Variants in SH3RF3 observed in about 807,000 individuals in gnomAD.
SH3RF3 encodes E3 ubiquitin-protein ligase SH3RF3.
In SH3RF3, 29 loss-of-function variants were observed where a neutral mutation model predicts 66.3. The observed-to-expected ratio is 0.44, with a 90% CI of 0.33 to 0.60. SH3RF3 has a LOEUF of 0.60. SH3RF3 is among the 20% of genes least tolerant of loss of function. SH3RF3 has a pLI of 0.04. For missense variants in SH3RF3, 1,194 were observed against 1,190.9 expected, an observed-to-expected ratio of 1.00 and a Z score of -0.04; for synonymous variants, 583 against 532.0, an observed-to-expected ratio of 1.10 and a Z score of -1.32.
chr2:109,233,617 G>C (rs149581309), intron 1 of SH3RF3, among the ~76,000 whole-genome samples: 6 of 152,186 alleles, frequency 3.9e-5, no homozygotes, highest in Middle Eastern at 3.2e-3. Context: ...GGCCTTTGCC[G>C]GGGAACCACC....
intron 3 of SH3RF3, among the ~76,000 whole-genome samples, chr2:109,390,638 G>A (rs1465101886): frequency 6.6e-6 from 1 of 152,196 alleles, no homozygotes; most frequent in Non-Finnish European, 1.5e-5. Context: ...AGGTGCAAGT[G>A]GGGGTGCGGT....
intron 1 of SH3RF3, among the ~76,000 whole-genome samples, chr2:109,249,647 C>CTCTTTCTTTCTTTCTTTCTTTCTT (rs749986705): frequency 4.4e-4 from 57 of 130,858 alleles, no homozygotes; most frequent in African/African-American, 1.4e-3. Context: ...CTCTGTTTCT[C>CTCTTTCTTTCTTTCTTTCTTTCTT]TCTTTCTTTC....
chr2:109,181,209 T>G (rs1678065995), intron 1 of SH3RF3, among the ~76,000 whole-genome samples: 1 of 152,172 alleles, frequency 6.6e-6, no homozygotes, highest in Admixed American at 6.5e-5. Flanking sequence ...GGAATGATCT[T>G]AGGTTTATGG....
intron 1 of SH3RF3, among the ~76,000 whole-genome samples, chr2:109,161,285 CAGAGTT>C (rs1381620539): frequency 1.3e-5 from 2 of 152,258 alleles, no homozygotes; most frequent in Non-Finnish European, 2.9e-5. Context: ...CAGGGTGCTA[CAGAGTT>C]AGGAGTGTGT....
At chr2:109,227,657 C>T (rs530935533) in intron 1 of SH3RF3, among the ~76,000 whole-genome samples, 16 of 152,292 alleles carry the variant, frequency 1.1e-4, no homozygotes, top group Admixed American at 7.8e-4. Context: ...ATGGGGTACA[C>T]GGCAGCTCCC....
intron 8 of SH3RF3, among the ~76,000 whole-genome samples, chr2:109,471,338 A>G (rs545007526): frequency 1.5e-3 from 228 of 152,242 alleles, no homozygotes; most frequent in Non-Finnish European, 2.7e-3. Context: ...CGGAAGGCAA[A>G]GGGGAAGCAA....
chr2:109,179,459 T>C (rs540671015), intron 1 of SH3RF3, among the ~76,000 whole-genome samples: 278 of 152,290 alleles, frequency 1.8e-3, no homozygotes, highest in African/African-American at 5.8e-3. Context: ...CCCAGTGTCC[T>C]TGTCTTTGTG....
At chr2:109,296,151 C>T (rs1162534185) in intron 1 of SH3RF3, among the ~76,000 whole-genome samples, 9 of 152,156 alleles carry the variant, frequency 5.9e-5, no homozygotes, top group Non-Finnish European at 1.0e-4. Context: ...CAACCCCGCC[C>T]ATGTCAGCAT....
At chr2:109,421,607 G>A (rs566655984) in intron 5 of SH3RF3, among the ~76,000 whole-genome samples, 35 of 152,280 alleles carry the variant, frequency 2.3e-4, no homozygotes, top group African/African-American at 8.4e-4. Context: ...CTGCCCTGGG[G>A]GACAGGGTTG....
chr2:109,354,764 C>T (rs968395151), intron 2 of SH3RF3, among the ~76,000 whole-genome samples: 1 of 152,218 alleles, frequency 6.6e-6, no homozygotes, highest in East Asian at 1.9e-4. Context: ...CACAAAGGCG[C>T]ATCTGTGTCT....
intron 1 of SH3RF3, among the ~76,000 whole-genome samples, chr2:109,306,087 T>G (rs1414352226): frequency 2.6e-5 from 4 of 152,212 alleles, no homozygotes; most frequent in Non-Finnish European, 4.4e-5. Flanking sequence ...GGGATATTGC[T>G]TTTGTCTACC....
At chr2:109,399,216 G>A (rs77191070) in intron 4 of SH3RF3, among the ~76,000 whole-genome samples, 16,604 of 152,110 alleles carry the variant, frequency 0.11, 1,052 homozygotes, top group East Asian at 0.24. Context: ...ACACCCACCC[G>A]CCTCATGACA....
intron 1 of SH3RF3, among the ~76,000 whole-genome samples, chr2:109,183,220 A>G (rs369715518): frequency 1.3e-5 from 2 of 152,356 alleles, no homozygotes; most frequent in African/African-American, 4.8e-5. Flanking sequence ...GCCTTCTTGT[A>G]TACTGATTCT....
intron 1 of SH3RF3, among the ~76,000 whole-genome samples, chr2:109,175,673 C>T (rs1250657311): frequency 1.3e-5 from 2 of 152,158 alleles, no homozygotes; most frequent in African/African-American, 4.8e-5. Context: ...AGTAATAGGA[C>T]ACATTTTGGG....
intron 9 of SH3RF3, among the ~76,000 whole-genome samples, chr2:109,492,593 A>C (rs1422934245): frequency 6.6e-6 from 1 of 152,108 alleles, no homozygotes; most frequent in Non-Finnish European, 1.5e-5. Flanking sequence ...GAACCTTCCC[A>C]CGAACCCTAT....
intron 1 of SH3RF3, among the ~76,000 whole-genome samples, chr2:109,270,805 A>C (rs1375597614): frequency 2.6e-5 from 4 of 152,302 alleles, no homozygotes; most frequent in Admixed American, 1.3e-4. Flanking sequence ...TGGAAAACCA[A>C]AACTGTTACA....
intron 1 of SH3RF3, among the ~76,000 whole-genome samples, chr2:109,266,453 C>T (rs1022864236): frequency 2.0e-5 from 3 of 152,166 alleles, no homozygotes; most frequent in African/African-American, 4.8e-5. Context: ...ACAAGGGACA[C>T]CTATGTTTGG....
chr2:109,418,951 C>G (rs1250782781), intron 4 of SH3RF3, among the ~76,000 whole-genome samples: 2 of 152,176 alleles, frequency 1.3e-5, no homozygotes, highest in East Asian at 3.9e-4. Flanking sequence ...CCACTGTCCC[C>G]AGAGAGCACA....
chr2:109,349,541 G>A (rs1410968310), intron 2 of SH3RF3, among the ~76,000 whole-genome samples: 1 of 152,172 alleles, frequency 6.6e-6, no homozygotes, highest in Non-Finnish European at 1.5e-5. Flanking sequence ...GGTGCCCCAG[G>A]TGGTCACTCA....
Sources: gnomAD v4.1 joint callset for allele counts (sites outside exome capture counted in the v4.1 genomes callset) on GRCh38, gnomAD v4.1.1 for gene constraint, MANE v1.5 for transcripts, NCBI Gene and HGNC (gene_info 2026-07-23, HGNC 2026-07-21) for gene names.